Variants in SPIRE2 observed in about 807,000 individuals in gnomAD.
SPIRE2 encodes the protein spire type actin nucleation factor 2.
SPIRE2 carries 76 observed loss-of-function variants against 80.7 expected under a neutral mutation model. The observed-to-expected ratio is 0.94, with a 90% CI of 0.78 to 1.14. The LOEUF is 1.14. SPIRE2 is among the 50% of genes most tolerant of loss of function. The probability of loss-of-function intolerance (pLI) is 0.00; values close to 1 mark genes in which losing one functional copy is unlikely to be tolerated. For synonymous variants in SPIRE2, 535 were observed against 432.6 expected (o/e 1.24, Z -2.94); for missense variants, 1,196 against 1,015.3 (o/e 1.18, Z -2.42).
At chr16:89,838,094 G>A (rs77668804) in intron 1 of SPIRE2, among the ~76,000 whole-genome samples, 376 of 151,712 alleles carry the variant, frequency 2.5e-3, no homozygotes, top group African/African-American at 8.1e-3. Flanking sequence ...CCGCCTCCGG[G>A]GATCAAACGA....
At chr16:89,842,079 C>T (rs183657704) in intron 1 of SPIRE2, among the ~76,000 whole-genome samples, 112 of 152,074 alleles carry the variant, frequency 7.4e-4, no homozygotes, top group African/African-American at 2.2e-3. Flanking sequence ...TTATAACATC[C>T]TGGGCTCGGG....
At chr16:89,868,780 G>T (rs761121706) in intron 13 of SPIRE2, among the ~76,000 whole-genome samples, 1 of 151,884 alleles carries the variant, frequency 6.6e-6, no homozygotes, top group Non-Finnish European at 1.5e-5. Flanking sequence ...ACTTGAACCC[G>T]GGAGGTGGAG....
At chr16:89,831,071 G>C (rs35274481) in intron 1 of SPIRE2, among the ~76,000 whole-genome samples, 1 of 150,278 alleles carries the variant, frequency 6.7e-6, no homozygotes, top group Admixed American at 6.6e-5. Flanking sequence ...CACCACGCCC[G>C]GCTAATTTTT....
chr16:89,870,346 A>G lies in SPIRE2; in HGVS notation c.*74A>G. 1.2e-6 allele frequency: 1 copy of G among 801,594 alleles called. No individual in the cohort carries two copies. Among genetic ancestry groups the G allele is most frequent in the Non-Finnish European group, 2.1e-6 (1 of 485,426 alleles). The allele number at this position is 801,594 out of a possible 1,614,324, so 49.7% of individuals were successfully genotyped here. Reference sequence around the variant, plus strand: ...CAGGCTAGGACGCTCTGAGCTGTGCATGTACATATATACATATATAGATAC... The same window carrying G: ...CAGGCTAGGACGCTCTGAGCTGTGCGTGTACATATATACATATATAGATAC... On this transcript the variant is annotated 3_prime_UTR_variant, in exon 15 of 15. Coordinates refer to ENST00000378247, the MANE Select transcript of SPIRE2 (RefSeq NM_032451.2).
chr16:89,844,167 T>C (rs1162712897), intron 1 of SPIRE2, among the ~76,000 whole-genome samples: 2 of 149,902 alleles, frequency 1.3e-5, no homozygotes, highest in African/African-American at 2.5e-5. Context: ...TTTTTATTTT[T>C]ATATATTTTT....
chr16:89,831,517 C>T (rs1029890593), intron 1 of SPIRE2, among the ~76,000 whole-genome samples: 4 of 149,924 alleles, frequency 2.7e-5, no homozygotes, highest in African/African-American at 4.9e-5. Flanking sequence ...CCTGCCTCAG[C>T]GTCCCGAGTA....
intron 1 of SPIRE2, among the ~76,000 whole-genome samples, chr16:89,830,137 C>T (rs1461037922): frequency 1.3e-5 from 2 of 151,198 alleles, no homozygotes; most frequent in Admixed American, 6.6e-5. Context: ...CCTAGCTGTG[C>T]GGGAGCCCAG....
intron 12 of SPIRE2, among the ~76,000 whole-genome samples, 161 bp downstream of exon 12, chr16:89,864,022 T>A (rs2041767817): frequency 6.6e-6 from 1 of 152,182 alleles, no homozygotes; most frequent in Non-Finnish European, 1.5e-5. Context: ...GGAGTTAAAT[T>A]TTAAATTGTA....
Position 89,870,208 on chromosome 16 carries a change from C to T in SPIRE2, c.2081C>T (p.Pro694Leu), listed in dbSNP as rs760027140. The part of the protein sequence containing the change: ...RKSVDVLNTT[P>L]RRSRQTQSLY... ...AGCGTGGACGTCCTCAACACTACGC[C>T]ACGACGCAGTCGCCAGACCCAATCC... Residue 694 changes from proline to leucine, a missense_variant, in exon 15 of 15, where the codon CCA (proline) becomes CTA (leucine). Physicochemically the swap from Pro to Leu is moderately conservative, Grantham distance 98. Coordinates refer to ENST00000378247, the MANE Select transcript of SPIRE2 (RefSeq NM_032451.2). 6.2e-7 allele frequency: 1 copy of T among 1,608,636 alleles called. No homozygotes were observed. The highest frequency in any genetic ancestry group is 1.1e-5 in the South Asian group (1 of 89,950).
Position 89,839,542 on chromosome 16 carries a change from G to A in SPIRE2, c.245-5780G>A, listed in dbSNP as rs1447279768. ...GGTCTGCCAGGAATGGGTGTGCTGC[G>A]TCCCCCTGTCTGCCCTGGCCCTGGT... On this transcript the variant is annotated intron_variant, in intron 1 of 14. Transcript: ENST00000378247. 3.9e-5 allele frequency among the ~76,000 whole-genome samples: 6 copies of A among 152,132 alleles called. No homozygotes were observed. The East Asian group carries it at 5.8e-4, about 15-fold the overall frequency.
intron 1 of SPIRE2, among the ~76,000 whole-genome samples, chr16:89,843,888 A>T (rs1248699051): frequency 9.8e-5 from 14 of 142,378 alleles, no homozygotes; most frequent in African/African-American, 3.4e-4. Flanking sequence ...TTTTGGAGAG[A>T]TGAGGTTTCG....
intron 2 of SPIRE2, chr16:89,847,301 T>TG (rs1416917427): frequency 6.6e-6 from 1 of 152,296 alleles, no homozygotes; most frequent in African/African-American, 2.4e-5. Flanking sequence ...GGGACGTGAG[T>TG]GGGGGCCTGT....
At position 89,863,359 on chromosome 16, in the gene SPIRE2, T is replaced by C; in HGVS notation, c.1576-117T>C. 8.8e-7 allele frequency: 1 copy of C among 1,140,692 alleles called. No individual in the cohort carries two copies. The highest frequency in any genetic ancestry group is 1.2e-6 in the Non-Finnish European group (1 of 806,972). 70.7% of individuals were successfully genotyped at this position (1,140,692 alleles called of 1,614,324 possible). Reference sequence around the variant, plus strand: ...ACAAGATGGCTGATGGACAGCGTTTTAGAAGGTCGCAGGCTTGTTTAGGCT... The same window carrying C: ...ACAAGATGGCTGATGGACAGCGTTTCAGAAGGTCGCAGGCTTGTTTAGGCT... On this transcript the variant is annotated intron_variant, in intron 10 of 14. Transcript: ENST00000378247. The surrounding 1 kb of genome is among the most constrained non-coding windows in gnomAD (Gnocchi z 4.3).
At chr16:89,857,880 T>C (rs2041705779) in intron 7 of SPIRE2, among the ~76,000 whole-genome samples, 1 of 96,092 alleles carries the variant, frequency 1.0e-5, no homozygotes, top group African/African-American at 4.2e-5. Context: ...TAGTTCTTCT[T>C]CTTTTTTTTT....
At position 89,857,575 on chromosome 16, in the gene SPIRE2, C is replaced by CT. The variant is rs560910331; in HGVS notation, c.1103-751dup. Reference sequence around the variant, plus strand: ...TTTAAAATGTTTTTCTTTTCTTTTCCTTTTTTTTTTTTGAGATGGAGTTTC... The same window carrying CT: ...TTTAAAATGTTTTTCTTTTCTTTTCCTTTTTTTTTTTTTGAGATGGAGTTTC... On this transcript the variant is annotated intron_variant, in intron 7 of 14. Transcript: ENST00000378247. 2.9e-3 allele frequency among the ~76,000 whole-genome samples: 421 copies of CT among 144,552 alleles called. 1 individual carries two copies. Among genetic ancestry groups the CT allele is most frequent in the South Asian group, 0.013 (61 of 4,582 alleles). 94.8% of individuals were successfully genotyped at this position (144,552 alleles called of 152,430 possible).
intron 7 of SPIRE2, among the ~76,000 whole-genome samples, chr16:89,857,789 C>T (rs1165707232): frequency 6.6e-6 from 1 of 151,592 alleles, no homozygotes. Flanking sequence ...AGGCTGGTCT[C>T]AAACTCTTGA....
intron 3 of SPIRE2, among the ~76,000 whole-genome samples, chr16:89,851,761 C>T (rs1328976189): frequency 6.6e-6 from 1 of 152,068 alleles, no homozygotes. Flanking sequence ...TGGAGGAGAA[C>T]GCCAGGCCTT....
At chr16:89,850,254 C>CGCCCCA (rs1567673492) in intron 2 of SPIRE2, 50 bp from the exon 3 acceptor site, 1 of 1,543,096 alleles carries the variant, frequency 6.5e-7, no homozygotes, top group Non-Finnish European at 8.8e-7. Flanking sequence ...GCGTTCTCCC[C>CGCCCCA]GCCCCACCCC....
Position 89,863,839 on chromosome 16 carries a change from C to T in SPIRE2, c.1756C>T (p.Pro586Ser), listed in dbSNP as rs1204967878. The change falls in exon 12 of 15, where the codon CCC (proline) becomes TCC (serine). Residue 586 changes from proline (P) to serine (S), a missense_variant. Transcript: ENST00000378247. The surrounding 1 kb of genome is among the most constrained non-coding windows in gnomAD (Gnocchi z 4.3). The stretch of plus-strand genomic sequence containing the variant: ...CAAGTTCCCGCTGTTCTCGTGGCCG[C>T]CCAGCTGTCTCTTCTGCAAGAGGTG... ...RAKFPLFSWP[P>S]SCLFCKRAVC... The T allele has an allele frequency of 6.2e-7, 1 of 1,613,718 alleles. No individual in the cohort carries two copies. The highest frequency in any genetic ancestry group is 1.3e-5 in the African/African-American group (1 of 74,872).
Sources: allele counts gnomAD v4.1 joint callset (sites outside exome capture counted in the v4.1 genomes callset), GRCh38; gene constraint gnomAD v4.1.1; non-coding constraint Gnocchi (gnomAD v3.1); transcripts MANE v1.5; gene names NCBI Gene and HGNC (gene_info 2026-07-23, HGNC 2026-07-21).